The following RBFOX1 variants were observed in gnomAD, a reference collection of about 807,000 sequenced individuals.
The protein encoded by RBFOX1 is RNA binding fox-1 homolog 1, also known as RNA binding protein fox-1 homolog 1.
RBFOX1 carries 8 observed loss-of-function variants against 57.7 expected under a neutral mutation model. The observed-to-expected ratio is 0.14, with a 90% CI of 0.08 to 0.25. RBFOX1 has a LOEUF of 0.25. RBFOX1 is among the 10% of genes least tolerant of loss of function. The pLI is 1.00. For synonymous variants in RBFOX1, 326 were observed against 222.4 expected (o/e 1.47, Z -4.15); for missense variants, 611 against 548.5 (o/e 1.11, Z -1.14).
chr16:6,366,085 ATGTGTGTGTGTGTGTG>A (rs71145219), intron 2 of RBFOX1, among the ~76,000 whole-genome samples: 3 of 144,320 alleles, frequency 2.1e-5, no homozygotes, highest in East Asian at 2.1e-4. Flanking sequence ...TGGCCATTCT[ATGTGTGTGTGTGTGTG>A]TGTGTGTGTG....
At chr16:6,065,319 A>T (rs532867322) in intron 1 of RBFOX1, among the ~76,000 whole-genome samples, 1 of 151,766 alleles carries the variant, frequency 6.6e-6, no homozygotes, top group Non-Finnish European at 1.5e-5. Context: ...ACAGGTGTGA[A>T]CCACCGCACG....
At chr16:7,409,252 A>G (rs1269628009) in intron 4 of RBFOX1, among the ~76,000 whole-genome samples, 4 of 151,996 alleles carry the variant, frequency 2.6e-5, no homozygotes, top group Non-Finnish European at 5.9e-5. Context: ...CCTAATGTCA[A>G]CCCTGTTAGA....
At chr16:7,366,483 C>T (rs963128537) in intron 4 of RBFOX1, among the ~76,000 whole-genome samples, 3 of 152,178 alleles carry the variant, frequency 2.0e-5, no homozygotes, top group Non-Finnish European at 4.4e-5. Flanking sequence ...TTGATAAACC[C>T]TCCAGGACAG....
chr16:5,391,597 C>G (rs1283241609), intron 1 of RBFOX1, among the ~76,000 whole-genome samples: 1 of 152,126 alleles, frequency 6.6e-6, no homozygotes, highest in African/African-American at 2.4e-5. Context: ...TGAAATCAAG[C>G]TATCTCCAGA....
intron 2 of RBFOX1, among the ~76,000 whole-genome samples, chr16:5,556,542 A>C (rs572224164): frequency 2.0e-5 from 3 of 152,338 alleles, no homozygotes; most frequent in Admixed American, 2.0e-4. Flanking sequence ...AGGAAGTGAC[A>C]GCTCTCCAAG....
intron 1 of RBFOX1, among the ~76,000 whole-genome samples, chr16:5,268,957 C>G (rs576187246): frequency 2.6e-4 from 39 of 152,084 alleles, no homozygotes; most frequent in African/African-American, 8.2e-4. Context: ...CTCTGTCGCC[C>G]AGGCTAGAGT....
intron 2 of RBFOX1, among the ~76,000 whole-genome samples, chr16:6,652,794 C>T (rs1291409584): frequency 6.6e-6 from 1 of 151,796 alleles, no homozygotes; most frequent in East Asian, 1.9e-4. Flanking sequence ...TTAATGGGTA[C>T]AGGTGGAAAA....
At chr16:7,501,363 G>A (rs190553455) in intron 4 of RBFOX1, among the ~76,000 whole-genome samples, 15 of 152,308 alleles carry the variant, frequency 9.8e-5, no homozygotes, top group Admixed American at 3.3e-4. Flanking sequence ...ACAAAGGAAT[G>A]CATAAGACAG....
At chr16:7,628,832 C>A (rs546556431) in intron 10 of RBFOX1, among the ~76,000 whole-genome samples, 10 of 152,158 alleles carry the variant, frequency 6.6e-5, no homozygotes, top group African/African-American at 2.2e-4. Flanking sequence ...AGGCTGGTCT[C>A]GAACTCCTAA....
chr16:7,314,628 T>C (rs2096396789), intron 4 of RBFOX1, among the ~76,000 whole-genome samples: 1 of 152,186 alleles, frequency 6.6e-6, no homozygotes, highest in African/African-American at 2.4e-5. Flanking sequence ...ATTTGGTGTT[T>C]ATGCTTTATG....
chr16:6,805,977 C>G (rs1053910483), intron 3 of RBFOX1, among the ~76,000 whole-genome samples: 2 of 152,154 alleles, frequency 1.3e-5, no homozygotes, highest in African/African-American at 4.8e-5. Flanking sequence ...GGAGGAGTTA[C>G]CTTTTGTGAG....
chr16:6,219,283 A>G (rs1043357354), intron 1 of RBFOX1, among the ~76,000 whole-genome samples: 1 of 152,052 alleles, frequency 6.6e-6, no homozygotes, highest in Non-Finnish European at 1.5e-5. Flanking sequence ...AGCCTGGGCA[A>G]CACTGGGAGA....
chr16:6,521,030 C>CT (rs938926785), intron 2 of RBFOX1, among the ~76,000 whole-genome samples: 1 of 152,010 alleles, frequency 6.6e-6, no homozygotes, highest in African/African-American at 2.4e-5. Context: ...ATATCAAAAC[C>CT]TTTTTACAAT....
intron 4 of RBFOX1, among the ~76,000 whole-genome samples, chr16:7,188,295 G>C (rs936546287): frequency 6.6e-6 from 1 of 152,222 alleles, no homozygotes; most frequent in Non-Finnish European, 1.5e-5. Context: ...AAGTTAAAAT[G>C]AAGAAACTGT....
chr16:6,670,672 C>T (rs1050377735), intron 3 of RBFOX1, among the ~76,000 whole-genome samples: 3 of 152,202 alleles, frequency 2.0e-5, no homozygotes, highest in East Asian at 1.9e-4. Flanking sequence ...AGAATACTAC[C>T]TTTTCCCATA....
intron 3 of RBFOX1, among the ~76,000 whole-genome samples, chr16:5,652,281 G>A (rs1208700736): frequency 6.6e-6 from 1 of 152,156 alleles, no homozygotes; most frequent in Non-Finnish European, 1.5e-5. Flanking sequence ...TAGGGTAGCT[G>A]CTATCATCAA....
At chr16:5,990,754 G>A (rs991610340) in intron 4 of RBFOX1, among the ~76,000 whole-genome samples, 1 of 152,180 alleles carries the variant, frequency 6.6e-6, no homozygotes, top group Admixed American at 6.5e-5. Context: ...GATCGCTGGA[G>A]GTCAGGAGTT....
chr16:5,720,613 A>G (rs1018746845), intron 3 of RBFOX1, among the ~76,000 whole-genome samples: 2 of 152,132 alleles, frequency 1.3e-5, no homozygotes, highest in African/African-American at 4.8e-5. Flanking sequence ...ATTTTTATCT[A>G]TGGTGGAAGG....
chr16:7,693,500 A>G (rs2077868893), intron 14 of RBFOX1: 1 of 682,734 alleles, frequency 1.5e-6, no homozygotes, highest in Non-Finnish European at 2.4e-6. Context: ...AAGATCTTAT[A>G]TCTTTGGAGT....
Sources: allele counts gnomAD v4.1 joint callset (sites outside exome capture counted in the v4.1 genomes callset), GRCh38; gene constraint gnomAD v4.1.1; transcripts MANE v1.5; gene names NCBI Gene and HGNC (gene_info 2026-07-23, HGNC 2026-07-21).